ZNF385D: variants seen among roughly 807,000 people sequenced by gnomAD.
ZNF385D encodes zinc finger protein 385D.
In ZNF385D, 15 loss-of-function variants were observed where a neutral mutation model predicts 35.8. That is an observed-to-expected ratio of 0.42 (90% CI 0.28 to 0.64). The LOEUF (loss-of-function observed/expected upper bound fraction) is 0.64, where lower values mean the gene tolerates loss of function less well. Among genes scored for constraint, ZNF385D ranks in the 30% least tolerant of loss-of-function variants. The pLI, the probability that ZNF385D is intolerant of heterozygous loss-of-function variation, is 0.23. For missense variants in ZNF385D, 474 were observed against 494.6 expected (o/e 0.96, Z 0.39); for synonymous variants, 212 against 186.8 (o/e 1.13, Z -1.10).
chr3:21,509,909 A>G (rs1707075503), intron 4 of ZNF385D, among the ~76,000 whole-genome samples: 1 of 152,226 alleles, frequency 6.6e-6, no homozygotes, highest in Non-Finnish European at 1.5e-5. Flanking sequence ...TAAGGATGTT[A>G]CATTGTGTAA....
chr3:21,571,896 G>A (rs1476590102), intron 2 of ZNF385D, among the ~76,000 whole-genome samples: 1 of 152,136 alleles, frequency 6.6e-6, no homozygotes, highest in Non-Finnish European at 1.5e-5. Context: ...CCATGGAATC[G>A]TGATGCATTA....
chr3:22,307,746 T>TA (rs35316599), intron 2 of ZNF385D, among the ~76,000 whole-genome samples: 28,561 of 144,458 alleles, frequency 0.2, 2,787 homozygotes, highest in South Asian at 0.3. Context: ...GCCTCTGTTT[T>TA]AAAAAAAAAA....
In ZNF385D at chr3:21,454,500, T is replaced by C. The variant is rs531196055; in HGVS notation, c.440-17297A>G. On this transcript the variant is annotated intron_variant, in intron 4 of 7. Coordinates refer to ENST00000281523, the MANE Select transcript of ZNF385D (RefSeq NM_024697.3). ...AACAGCCACACTGCATCACTGGCCTTTGTGCTTTCCTTCAAGCATTCCAAG... is the reference window on the plus strand; with the variant it reads ...AACAGCCACACTGCATCACTGGCCTCTGTGCTTTCCTTCAAGCATTCCAAG... Among the ~76,000 whole-genome samples, 8 of 152,200 alleles carry C rather than the reference T, an allele frequency of 5.3e-5. No homozygotes were observed. In the East Asian group the frequency reaches 1.5e-3, roughly 29 times the overall value.
At chr3:21,747,643 G>A (rs2069842039) in intron 1 of ZNF385D, among the ~76,000 whole-genome samples, 2 of 152,204 alleles carry the variant, frequency 1.3e-5, no homozygotes, top group African/African-American at 4.8e-5. Flanking sequence ...TAGAGCTGGA[G>A]ACAGTGCACA....
At chr3:21,659,309 A>G (rs2066165106) in intron 2 of ZNF385D, among the ~76,000 whole-genome samples, 1 of 152,174 alleles carries the variant, frequency 6.6e-6, no homozygotes, top group Non-Finnish European at 1.5e-5. Flanking sequence ...ATACAGAATT[A>G]TTGAGTAGGA....
intron 3 of ZNF385D, among the ~76,000 whole-genome samples, chr3:21,924,152 G>A (rs746746606): frequency 6.6e-6 from 1 of 152,088 alleles, no homozygotes; most frequent in Non-Finnish European, 1.5e-5. Flanking sequence ...AGTAACTTCT[G>A]CTTCCTGGAA....
chr3:21,816,964 T>C (rs917401173), intron 3 of ZNF385D, among the ~76,000 whole-genome samples: 2 of 152,120 alleles, frequency 1.3e-5, no homozygotes, highest in Non-Finnish European at 2.9e-5. Context: ...CAAAACAGCA[T>C]GGTACTGGTA....
At chr3:22,177,196 G>C (rs1015628884) in intron 2 of ZNF385D, among the ~76,000 whole-genome samples, 1 of 152,098 alleles carries the variant, frequency 6.6e-6, no homozygotes, top group African/African-American at 2.4e-5. Context: ...TGAGTTCTCA[G>C]ACCAGATTTT....
rs182857525 is a variant in ZNF385D, at chr3:22,313,781, T to C, written c.106+58669A>G. 7.9e-5 allele frequency among the ~76,000 whole-genome samples: 12 copies of C among 152,284 alleles called. No homozygotes were observed. The East Asian group carries it at 2.3e-3, about 29-fold the overall frequency. ...CTTATAAACCAAAAACAAAATGGCA[T>C]AAGCAAAAATGGGAATTTGTTATCC... On this transcript the variant is annotated intron_variant, in intron 2 of 5. Transcript: ENST00000494108.
intron 2 of ZNF385D, among the ~76,000 whole-genome samples, chr3:21,589,440 A>T (rs2063906093): frequency 6.6e-6 from 1 of 152,234 alleles, no homozygotes; most frequent in Admixed American, 6.5e-5. Flanking sequence ...CTAGTAGATC[A>T]TAGACTTAAA....
At chr3:22,105,358 C>T (rs542075456) in intron 3 of ZNF385D, among the ~76,000 whole-genome samples, 4 of 150,768 alleles carry the variant, frequency 2.7e-5, no homozygotes, top group Admixed American at 2.6e-4. Context: ...TAGATAAACA[C>T]ATATATATCT....
intron 3 of ZNF385D, among the ~76,000 whole-genome samples, chr3:21,764,431 C>T (rs1210929225): frequency 6.6e-6 from 1 of 152,120 alleles, no homozygotes; most frequent in Non-Finnish European, 1.5e-5. Flanking sequence ...GGAAATAAAG[C>T]TCTCGTATAA....
exon 2 of ZNF385D, chr3:22,372,615 G>A (rs1248329824): frequency 2.9e-6 from 2 of 693,456 alleles, no homozygotes; most frequent in Non-Finnish European, 3.6e-6. Context: ...CCCGCCTGCA[G>A]CTTCAACGGC....
intron 2 of ZNF385D, among the ~76,000 whole-genome samples, chr3:22,173,031 G>A (rs6786716): frequency 0.027 from 4,161 of 152,296 alleles, 186 homozygotes; most frequent in African/African-American, 0.094. Flanking sequence ...CACATTGATA[G>A]CAAGAATCCT....
intron 2 of ZNF385D, among the ~76,000 whole-genome samples, chr3:22,311,916 A>C (rs1250268682): frequency 6.6e-6 from 1 of 152,148 alleles, no homozygotes. Flanking sequence ...ATTCTGATGA[A>C]GAATGTTCAG....
At chr3:21,663,858 T>C (rs2066308668) in intron 2 of ZNF385D, among the ~76,000 whole-genome samples, 1 of 132,248 alleles carries the variant, frequency 7.6e-6, no homozygotes, top group African/African-American at 2.7e-5. Context: ...GACCCACTGC[T>C]ATCTCCTGAA....
chr3:22,250,705 C>T (rs1700017938), intron 2 of ZNF385D, among the ~76,000 whole-genome samples: 1 of 152,072 alleles, frequency 6.6e-6, no homozygotes. Context: ...ACAGGTTATG[C>T]ATGCACAAAG....
intron 1 of ZNF385D, among the ~76,000 whole-genome samples, chr3:21,667,853 T>G (rs1168894959): frequency 6.6e-6 from 1 of 152,200 alleles, no homozygotes; most frequent in Non-Finnish European, 1.5e-5. Context: ...GATATCTATT[T>G]CATTTATACT....
intron 3 of ZNF385D, among the ~76,000 whole-genome samples, chr3:21,543,505 A>G (rs184862556): frequency 5.3e-5 from 8 of 152,202 alleles, no homozygotes; most frequent in Admixed American, 1.3e-4. Flanking sequence ...TGCATGGCCT[A>G]AGGGTCCCGC....
Sources: gnomAD v4.1 joint callset for allele counts (sites outside exome capture counted in the v4.1 genomes callset) on GRCh38, gnomAD v4.1.1 for gene constraint, MANE v1.5 for transcripts, NCBI Gene and HGNC (gene_info 2026-07-23, HGNC 2026-07-21) for gene names.